The following SKAP2 variants were observed in gnomAD, a reference collection of about 807,000 sequenced individuals.
SKAP2 encodes the protein src kinase associated phosphoprotein 2, also known as src kinase-associated phosphoprotein 2.
In SKAP2, 28 loss-of-function variants were observed where a neutral mutation model predicts 54.9. That is an observed-to-expected ratio of 0.51 (90% CI 0.38 to 0.70). The LOEUF (loss-of-function observed/expected upper bound fraction) is 0.70. Ranked by LOEUF, SKAP2 falls within the 30% of genes least tolerant of loss-of-function variation. SKAP2 has a pLI of 0.00. For synonymous variants in SKAP2, 137 were observed against 134.3 expected, an observed-to-expected ratio of 1.02 and a Z score of -0.14; for missense variants, 356 against 424.1, an observed-to-expected ratio of 0.84 and a Z score of 1.41.
At position 26,844,134 on chromosome 7, in the gene SKAP2, T is replaced by A. The variant is rs1784875505; in HGVS notation, c.203A>T (p.Asp68Val). Residue 68 changes from aspartate (D) to valine (V), a missense_variant, in exon 4 of 13, where the codon GAT (aspartate) becomes GTT (valine). By Grantham distance (152) the Asp-to-Val change is radical. Coordinates refer to ENST00000345317, the MANE Select transcript of SKAP2 (RefSeq NM_003930.5). Reference sequence around the variant, plus strand: ...ATCATATTCTTCCCCATCTTCTGCATCACCTGTTAAAAAAAAAAAAAATCA... The same window carrying A: ...ATCATATTCTTCCCCATCTTCTGCAACACCTGTTAAAAAAAAAAAAAATCA... ...IYLQEFQDKG[D>V]AEDGEEYDDP... 1 of 1,569,306 alleles carries A rather than the reference T, an allele frequency of 6.4e-7. No homozygotes were observed. Among genetic ancestry groups the A allele is most frequent in the Non-Finnish European group, 8.7e-7 (1 of 1,146,796 alleles).
rs59046895 is a variant in SKAP2 at position 26,857,310 on chromosome 7, T to TAAA, written c.68-2423_68-2421dup. The TAAA allele has an allele frequency of 7.6e-3, 690 of 91,186 alleles. 22 individuals carry two copies. Among genetic ancestry groups the TAAA allele is most frequent in the Middle Eastern group, 0.02 (2 of 102 alleles). 5.6% of individuals were successfully genotyped at this position (91,186 alleles called of 1,614,324 possible). On this transcript the variant is annotated intron_variant, in intron 1 of 12. Transcript: ENST00000345317. The stretch of plus-strand genomic sequence containing the variant: ...TGGAGAGAGTAGAAACTGCTTTGCT[T>TAAA]AAAAAAAAAAAAAAAAAAAAAAAAA...
At chr7:26,716,560 A>C (rs889041001) in intron 9 of SKAP2, among the ~76,000 whole-genome samples, 2 of 152,206 alleles carry the variant, frequency 1.3e-5, no homozygotes, top group African/African-American at 4.8e-5. Flanking sequence ...GCAAACATTT[A>C]TTTTAATAGA....
At chr7:26,763,416 C>G (rs1352276108) in intron 4 of SKAP2, among the ~76,000 whole-genome samples, 1 of 152,012 alleles carries the variant, frequency 6.6e-6, no homozygotes. Context: ...GCTCAGTGCA[C>G]CATGTCAGGA....
At chr7:26,825,335 G>T (rs1170407930) in intron 4 of SKAP2, among the ~76,000 whole-genome samples, 1 of 151,468 alleles carries the variant, frequency 6.6e-6, no homozygotes, top group Non-Finnish European at 1.5e-5. Context: ...TTCGCTAACT[G>T]CCTCAATTGT....
At chr7:26,726,165 A>C (rs1393342246) in intron 7 of SKAP2, among the ~76,000 whole-genome samples, 179 bp from the exon 8 acceptor site, 7 of 152,162 alleles carry the variant, frequency 4.6e-5, no homozygotes, top group Non-Finnish European at 7.4e-5. Context: ...ATTGAAGCAG[A>C]GGATGATGAA....
intron 9 of SKAP2, among the ~76,000 whole-genome samples, chr7:26,700,779 C>T (rs1211142249): frequency 6.6e-6 from 1 of 152,204 alleles, no homozygotes; most frequent in Admixed American, 6.5e-5. Context: ...ACTTGAGACA[C>T]TTTCTACTGT....
intron 4 of SKAP2, among the ~76,000 whole-genome samples, chr7:26,822,341 A>G (rs1254557192): frequency 6.6e-6 from 1 of 152,132 alleles, no homozygotes; most frequent in African/African-American, 2.4e-5. Flanking sequence ...TAATTCTTAC[A>G]ATATTTCAAA....
chr7:26,810,384 CAG>C (rs1475324683), intron 4 of SKAP2, among the ~76,000 whole-genome samples: 1 of 151,500 alleles, frequency 6.6e-6, no homozygotes, highest in Non-Finnish European at 1.5e-5. Context: ...CTCACAGAAA[CAG>C]AGAGCAAAAT....
the SKAP2 span, among the ~76,000 whole-genome samples, chr7:26,656,317 C>A: frequency 2.0e-5 from 3 of 152,282 alleles, no homozygotes; most frequent in East Asian, 3.9e-4. Flanking sequence ...CATCCCTATG[C>A]ATTTTTCTAC....
chr7:26,824,088 A>T (rs1326756934), intron 4 of SKAP2, among the ~76,000 whole-genome samples: 2 of 152,228 alleles, frequency 1.3e-5, no homozygotes, highest in African/African-American at 4.8e-5. Flanking sequence ...GAAATCTTTC[A>T]TGGAAAGAAG....
intron 4 of SKAP2, among the ~76,000 whole-genome samples, chr7:26,741,438 G>T (rs1038639748): frequency 6.6e-6 from 1 of 151,884 alleles, no homozygotes; most frequent in East Asian, 1.9e-4. Flanking sequence ...GTGGGGGGAA[G>T]GGGGTCTGAG....
Position 26,670,096 on chromosome 7 carries a change from A to T in SKAP2, c.*4T>A. 7.7e-7 allele frequency: 1 copy of T among 1,306,020 alleles called. No individual in the cohort carries two copies. The highest frequency in any genetic ancestry group is 1.2e-5 in the South Asian group (1 of 84,806). The allele number at this position is 1,306,020 out of a possible 1,614,324, so 80.9% of individuals were successfully genotyped here. A position where few individuals can be genotyped will look rare whatever the true frequency, so the allele number is the denominator to read the frequency against. ...TTGGATTAAAATGTACTTACCCAGG[A>T]CTCTCAAATATCATACATCTCCATT... On this transcript the variant is annotated 3_prime_UTR_variant, in exon 12 of 13. Coordinates refer to ENST00000345317, the MANE Select transcript of SKAP2 (RefSeq NM_003930.5).
At chr7:26,848,622 C>A (rs1006992177) in intron 3 of SKAP2, among the ~76,000 whole-genome samples, 4 of 152,138 alleles carry the variant, frequency 2.6e-5, no homozygotes, top group African/African-American at 9.7e-5. Context: ...TACCTAAAAT[C>A]TGAGTGATAA....
chr7:26,800,899 G>A (rs1181817235), intron 4 of SKAP2, among the ~76,000 whole-genome samples: 1 of 152,108 alleles, frequency 6.6e-6, no homozygotes, highest in African/African-American at 2.4e-5. Context: ...TGGCTTCACT[G>A]CTGAATTCTA....
intron 4 of SKAP2, among the ~76,000 whole-genome samples, chr7:26,834,942 C>T (rs772053529): frequency 2.0e-5 from 3 of 152,116 alleles, no homozygotes; most frequent in Non-Finnish European, 4.4e-5. Context: ...TGTAAAAATC[C>T]TCAATGAAAT....
rs1221477792 is a variant in SKAP2 at position 26,776,994 on chromosome 7, G to A, written c.308-37030C>T. On this transcript the variant is annotated intron_variant, in intron 4 of 12. Transcript: ENST00000345317. ...TCTGTCTCACAAACCAGTGATTCAG[G>A]TCTCCAAATGAGGAATCTGGAGTGC... is the stretch of plus-strand genomic sequence containing the variant. Among the ~76,000 whole-genome samples, 4 of 152,134 alleles carry A rather than the reference G, an allele frequency of 2.6e-5. No homozygotes were observed. The East Asian group carries it at 7.7e-4, about 29-fold the overall frequency.
At chr7:26,714,280 C>A (rs1029059227) in intron 9 of SKAP2, among the ~76,000 whole-genome samples, 3 of 152,184 alleles carry the variant, frequency 2.0e-5, no homozygotes, top group African/African-American at 7.2e-5. Flanking sequence ...GACCTTGCAA[C>A]TGAATGTCCT....
intron 4 of SKAP2, among the ~76,000 whole-genome samples, chr7:26,754,415 A>C (rs1435041474): frequency 4.4e-5 from 6 of 137,094 alleles, no homozygotes; most frequent in East Asian, 2.2e-4. Flanking sequence ...AAAAAAAAAA[A>C]CCCAACTGAC....
chr7:26,800,612 C>T (rs1442563214), intron 4 of SKAP2, among the ~76,000 whole-genome samples: 1 of 151,868 alleles, frequency 6.6e-6, no homozygotes, highest in Non-Finnish European at 1.5e-5. Flanking sequence ...TTTAGCCACA[C>T]TAAGAAAAAG....
Sources: gnomAD v4.1 joint callset for allele counts (sites outside exome capture counted in the v4.1 genomes callset) on GRCh38, gnomAD v4.1.1 for gene constraint, MANE v1.5 for transcripts, NCBI Gene and HGNC (gene_info 2026-07-23, HGNC 2026-07-21) for gene names.